The following ARHGAP15 variants were observed in gnomAD, a reference collection of about 807,000 sequenced individuals.
ARHGAP15 encodes the protein rho GTPase-activating protein 15.
A neutral mutation model predicts 63.7 loss-of-function variants in ARHGAP15; 51 were observed. That is an observed-to-expected ratio of 0.80 (90% confidence interval 0.64 to 1.01). The LOEUF is 1.01. ARHGAP15 is among the 50% of genes least tolerant of loss of function. The pLI is 0.00. For missense variants in ARHGAP15, 560 were observed against 564.6 expected, an observed-to-expected ratio of 0.99 and a Z score of 0.08; for synonymous variants, 191 against 193.8, an observed-to-expected ratio of 0.99 and a Z score of 0.12.
chr2:143,707,463 G>A (rs2105432952), intron 13 of ARHGAP15, among the ~76,000 whole-genome samples: 1 of 152,352 alleles, frequency 6.6e-6, no homozygotes, highest in East Asian at 1.9e-4. Flanking sequence ...AAGATGACGA[G>A]GTTGTAGCAA....
At chr2:143,729,111 G>A (rs908198197) in intron 13 of ARHGAP15, among the ~76,000 whole-genome samples, 1 of 152,184 alleles carries the variant, frequency 6.6e-6, no homozygotes, top group African/African-American at 2.4e-5. Flanking sequence ...TTAGGTCTGA[G>A]TTACCCCTGC....
intron 2 of ARHGAP15, among the ~76,000 whole-genome samples, chr2:143,173,315 A>G (rs1421966562): frequency 1.3e-5 from 2 of 152,094 alleles, no homozygotes; most frequent in Non-Finnish European, 2.9e-5. Flanking sequence ...TATATATTTA[A>G]ATGTATGTTT....
At position 143,330,136 on chromosome 2, in the gene ARHGAP15, AAAC is replaced by A. The variant is rs1472950546; in HGVS notation, c.474+79539_474+79541del. On this transcript the variant is annotated intron_variant, in intron 6 of 13. Transcript: ENST00000295095. ...AAAAAAAAAAAAAAAAAAAAACCAA[AAAC>A]AAAAAACTAAACTAATGATTAATAA... 8.5e-4 allele frequency among the ~76,000 whole-genome samples: 113 copies of A among 132,392 alleles called. 2 individuals carry two copies. Among genetic ancestry groups the A allele is most frequent in the Non-Finnish European group, 1.2e-3 (73 of 61,232 alleles). 86.9% of individuals were successfully genotyped at this position (132,392 alleles called of 152,430 possible).
chr2:143,282,909 C>T (rs532067376), intron 6 of ARHGAP15, among the ~76,000 whole-genome samples: 4 of 152,254 alleles, frequency 2.6e-5, no homozygotes, highest in African/African-American at 7.2e-5. Context: ...TGGCGTTACG[C>T]TGTAGCCAGC....
chr2:143,580,955 G>T (rs1696878025), intron 11 of ARHGAP15, among the ~76,000 whole-genome samples: 1 of 152,084 alleles, frequency 6.6e-6, no homozygotes, highest in African/African-American at 2.4e-5. Flanking sequence ...CTTCCTATGG[G>T]CTAGGTACTG....
chr2:143,439,321 G>C lies in ARHGAP15; in HGVS notation c.703+2279G>C, dbSNP rs567361502. 7.8e-4 allele frequency among the ~76,000 whole-genome samples: 116 copies of C among 148,366 alleles called. No individual in the cohort carries two copies. In the East Asian group the frequency reaches 9.9e-3, roughly 13 times the overall value. ...ACCTGTAATCCCAGCTACTCGGGAG[G>C]CTGAGGCACAAGAATTGCTTCAACC... On this transcript the variant is annotated intron_variant, in intron 8 of 13. Coordinates refer to ENST00000295095, the MANE Select transcript of ARHGAP15 (RefSeq NM_018460.4).
chr2:143,502,417 CAAAAACAA>C (rs1347251000), intron 9 of ARHGAP15, among the ~76,000 whole-genome samples: 4 of 151,682 alleles, frequency 2.6e-5, no homozygotes, highest in Admixed American at 2.6e-4. Flanking sequence ...CTCAAAAAAA[CAAAAACAA>C]ACAAACAAAC....
chr2:143,392,400 A>G (rs1213142045), intron 6 of ARHGAP15, among the ~76,000 whole-genome samples: 2 of 152,230 alleles, frequency 1.3e-5, no homozygotes, highest in Non-Finnish European at 2.9e-5. Flanking sequence ...TTGAAATTAT[A>G]TCTTCTGAAA....
At chr2:143,644,308 C>T (rs111781704) in intron 12 of ARHGAP15, among the ~76,000 whole-genome samples, 3 of 152,126 alleles carry the variant, frequency 2.0e-5, no homozygotes, top group Admixed American at 6.5e-5. Flanking sequence ...TATGACATTC[C>T]TTCCTCTGGG....
intron 6 of ARHGAP15, among the ~76,000 whole-genome samples, chr2:143,264,522 T>C (rs768966700): frequency 5.9e-5 from 9 of 152,104 alleles, no homozygotes; most frequent in Non-Finnish European, 8.8e-5. Flanking sequence ...TTGGTAGTTA[T>C]GAATAGCCAC....
At chr2:143,636,253 T>A (rs760415962) in intron 12 of ARHGAP15, among the ~76,000 whole-genome samples, 1 of 152,120 alleles carries the variant, frequency 6.6e-6, no homozygotes, top group African/African-American at 2.4e-5. Context: ...TTCTTCCAGG[T>A]CCCTAACTCT....
At chr2:143,588,356 A>G (rs1346751683) in intron 11 of ARHGAP15, among the ~76,000 whole-genome samples, 1 of 152,122 alleles carries the variant, frequency 6.6e-6, no homozygotes, top group Non-Finnish European at 1.5e-5. Flanking sequence ...AGACAGGTGT[A>G]AATTTTTCTT....
intron 10 of ARHGAP15, among the ~76,000 whole-genome samples, chr2:143,538,090 T>C (rs1183596076): frequency 6.6e-6 from 1 of 152,184 alleles, no homozygotes; most frequent in Non-Finnish European, 1.5e-5. Context: ...GAAGAGGTCC[T>C]TCACATCCCT....
At chr2:143,511,698 C>A (rs1265024591) in intron 9 of ARHGAP15, among the ~76,000 whole-genome samples, 1 of 152,066 alleles carries the variant, frequency 6.6e-6, no homozygotes, top group Non-Finnish European at 1.5e-5. Flanking sequence ...AGCAGAATGC[C>A]TTTTCTCTCC....
intron 11 of ARHGAP15, among the ~76,000 whole-genome samples, chr2:143,619,119 T>G (rs1698559059): frequency 6.6e-6 from 1 of 152,028 alleles, no homozygotes; most frequent in Non-Finnish European, 1.5e-5. Flanking sequence ...GGACAGTAAT[T>G]AAACTCTTAA....
intron 9 of ARHGAP15, among the ~76,000 whole-genome samples, chr2:143,489,983 C>CTTTTTG (rs1219574678): frequency 5.9e-5 from 9 of 151,988 alleles, no homozygotes; most frequent in African/African-American, 1.9e-4. Flanking sequence ...TGTCAGTTTT[C>CTTTTTG]TTTTTCTTTT....
intron 6 of ARHGAP15, among the ~76,000 whole-genome samples, chr2:143,401,690 T>C (rs1687993435): frequency 6.6e-6 from 1 of 151,992 alleles, no homozygotes; most frequent in South Asian, 2.1e-4. Context: ...TAGAATATTC[T>C]ATTTGCTTTA....
chr2:143,705,635 A>G (rs1684294764), intron 13 of ARHGAP15, among the ~76,000 whole-genome samples: 1 of 152,212 alleles, frequency 6.6e-6, no homozygotes, highest in African/African-American at 2.4e-5. Context: ...GGACAAAGTC[A>G]TAAAACAAAT....
intron 11 of ARHGAP15, among the ~76,000 whole-genome samples, chr2:143,606,072 C>CAAAAA (rs1698015321): frequency 1.1e-4 from 1 of 8,772 alleles, no homozygotes; most frequent in African/African-American, 3.2e-4. Context: ...AAAAAAAAAG[C>CAAAAA]CATACATCTG....
Sources: gnomAD v4.1 joint callset for allele counts (sites outside exome capture counted in the v4.1 genomes callset) on GRCh38, gnomAD v4.1.1 for gene constraint, MANE v1.5 for transcripts, NCBI Gene and HGNC (gene_info 2026-07-23, HGNC 2026-07-21) for gene names.